The following ATG12 variants were observed in gnomAD, a reference collection of about 807,000 sequenced individuals.
The protein encoded by ATG12 is autophagy related 12, also known as ubiquitin-like protein ATG12.
Under a neutral mutation model 17.6 loss-of-function variants are expected in ATG12, and 19 were observed. The observed-to-expected ratio is 1.08, with a 90% confidence interval of 0.75 to 1.58. The LOEUF is 1.58. Among genes scored for constraint, ATG12 ranks in the 40% most tolerant of loss-of-function variants. The probability of loss-of-function intolerance (pLI) is 0.00; values close to 1 mark genes in which losing one functional copy is unlikely to be tolerated. For synonymous variants in ATG12, 75 were observed against 62.4 expected (o/e 1.20, Z -0.95); for missense variants, 214 against 162.0 (o/e 1.32, Z -1.74).
chr5:115,838,466 A>G (rs1394246842), intron 1 of ATG12: 1 of 152,236 alleles, frequency 6.6e-6, no homozygotes. Context: ...TCTCTCCAAC[A>G]GCATGTATAA....
chr5:115,838,593 A>G (rs919168211), intron 1 of ATG12: 1 of 152,236 alleles, frequency 6.6e-6, no homozygotes, highest in Non-Finnish European at 1.5e-5. Context: ...GGATTTACTT[A>G]TGCTGTTTGT....
chr5:115,835,259 C>G (rs1260531976), intron 2 of ATG12: 1 of 152,160 alleles, frequency 6.6e-6, no homozygotes, highest in Non-Finnish European at 1.5e-5. Context: ...TTCATCGTCT[C>G]TAGGGATGCT....
In ATG12 at chr5:115,828,417, T is replaced by C. The variant is rs1017809194; in HGVS notation, c.*3387A>G. The C allele has an allele frequency of 3.9e-5, 6 of 152,244 alleles. No individual in the cohort carries two copies. The highest frequency in any genetic ancestry group is 7.3e-5 in the Non-Finnish European group (5 of 68,028). 9.4% of individuals were successfully genotyped at this position (152,244 alleles called of 1,614,324 possible). On this transcript the variant is annotated 3_prime_UTR_variant, in exon 4 of 4. Coordinates refer to ENST00000509910, the MANE Select transcript of ATG12 (RefSeq NM_004707.4). ...CCACAACTCTGCTAATAGCAAGATG[T>C]ACATTATTTTTATTGTCAGTCAGCA...
At chr5:115,836,068 A>T (rs1024598425) in intron 2 of ATG12, among the ~76,000 whole-genome samples, 3 of 152,160 alleles carry the variant, frequency 2.0e-5, no homozygotes, top group African/African-American at 4.8e-5. Flanking sequence ...TTCAGGAGGT[A>T]TCAGTTTTAG....
At chr5:115,840,731 T>C (rs1761375844) in intron 1 of ATG12, 2 of 1,186,012 alleles carry the variant, frequency 1.7e-6, no homozygotes, top group Admixed American at 7.2e-5. Context: ...TTAGAACACG[T>C]AATTTTAGCA....
chr5:115,835,333 ATTGTTT>A (rs1402051081), intron 2 of ATG12, among the ~76,000 whole-genome samples: 1 of 151,980 alleles, frequency 6.6e-6, no homozygotes, highest in African/African-American at 2.4e-5. Context: ...TATTCCTGTT[ATTGTTT>A]TTATGTGAAA....
At position 115,830,346 on chromosome 5, in the gene ATG12, A is replaced by G. The variant is rs1760817953; in HGVS notation, c.*1458T>C. ...ACCCTCAGTGGCAAACAATACGAAAATTCAACATATTTTTATTTGTTAAAT... is the reference window on the plus strand; with the variant it reads ...ACCCTCAGTGGCAAACAATACGAAAGTTCAACATATTTTTATTTGTTAAAT... On this transcript the variant is annotated 3_prime_UTR_variant, in exon 4 of 4. Coordinates refer to ENST00000509910, the MANE Select transcript of ATG12 (RefSeq NM_004707.4). The G allele has an allele frequency of 6.6e-6, 1 of 152,120 alleles. No individual in the cohort carries two copies. The highest frequency in any genetic ancestry group is 2.4e-5 in the African/African-American group (1 of 41,422). The allele number at this position is 152,120 out of a possible 1,614,324, so 9.4% of individuals were successfully genotyped here.
chr5:115,839,670 A>C (rs1761249369), intron 1 of ATG12, among the ~76,000 whole-genome samples: 1 of 152,182 alleles, frequency 6.6e-6, no homozygotes, highest in South Asian at 2.1e-4. Context: ...CTAGGGAAAC[A>C]CTTACTCCCC....
In ATG12 at chr5:115,841,370, C is replaced by A; in HGVS notation, c.163+20G>T. On this transcript the variant is annotated intron_variant, in intron 1 of 3. Coordinates refer to ENST00000509910, the MANE Select transcript of ATG12 (RefSeq NM_004707.4). ...CAATCTGAACCTCCCGCCTCTCTGC[C>A]CGGAAATAAATTCAGTTACTTTTTT... 6.2e-7 allele frequency: 1 copy of A among 1,610,092 alleles called. No individual in the cohort carries two copies. The highest frequency in any genetic ancestry group is 8.5e-7 in the Non-Finnish European group (1 of 1,179,560).
At chr5:115,839,929 A>G (rs1761272623) in intron 1 of ATG12, among the ~76,000 whole-genome samples, 1 of 152,270 alleles carries the variant, frequency 6.6e-6, no homozygotes, top group African/African-American at 2.4e-5. Flanking sequence ...TTTGCAAAAA[A>G]ATACTGTCCA....
chr5:115,834,024 G>A (rs1023971702), intron 2 of ATG12: 1 of 152,154 alleles, frequency 6.6e-6, no homozygotes, highest in African/African-American at 2.4e-5. Context: ...ATACGGGTGA[G>A]AAAAGTACAT....
Position 115,831,671 on chromosome 5 carries a change from A to G in ATG12, c.*133T>C. ...TCATGCTATGGATGTTTTCTTATGC[A>G]TAAACATAGAGTAGACACATACTAA... On this transcript the variant is annotated 3_prime_UTR_variant, in exon 4 of 4. Coordinates refer to ENST00000509910, the MANE Select transcript of ATG12 (RefSeq NM_004707.4). 2.5e-6 allele frequency: 2 copies of G among 803,998 alleles called. No homozygotes were observed. Among genetic ancestry groups the G allele is most frequent in the Non-Finnish European group, 4.1e-6 (2 of 492,184 alleles). 49.8% of individuals were successfully genotyped at this position (803,998 alleles called of 1,614,324 possible). A position where few individuals can be genotyped will look rare whatever the true frequency, so the allele number is the denominator to read the frequency against.
Position 115,837,770 on chromosome 5 carries a change from AAAG to A in ATG12, c.164-9_164-7del, listed in dbSNP as rs745930237. The A allele has an allele frequency of 2.1e-5, 34 of 1,587,468 alleles. No homozygotes were observed. The highest frequency in any genetic ancestry group is 9.0e-5 in the East Asian group (4 of 44,612). ...AGCCTTTAGCAAAATGTCAACTGTA[AAAG>A]AAGAATAAAATTTACTGACAATTAC... On this transcript the variant is annotated splice_region_variant and splice_polypyrimidine_tract_variant and intron_variant, in intron 1 of 3. Coordinates refer to ENST00000509910, the MANE Select transcript of ATG12 (RefSeq NM_004707.4).
chr5:115,835,921 G>A (rs1580568806), intron 2 of ATG12, among the ~76,000 whole-genome samples: 1 of 152,002 alleles, frequency 6.6e-6, no homozygotes, highest in African/African-American at 2.4e-5. Context: ...CTAATCAGGG[G>A]TTTTTGGTTT....
At chr5:115,840,218 G>A (rs557261302) in intron 1 of ATG12, among the ~76,000 whole-genome samples, 11 of 152,240 alleles carry the variant, frequency 7.2e-5, no homozygotes, top group African/African-American at 2.6e-4. Flanking sequence ...CTGATTTAAA[G>A]TGGGAAGGGG....
intron 2 of ATG12, chr5:115,834,925 G>T (rs1316212119): frequency 6.6e-6 from 1 of 152,094 alleles, no homozygotes; most frequent in Non-Finnish European, 1.5e-5. Flanking sequence ...TACCTTAAAT[G>T]ACATTTTTAC....
At chr5:115,832,717 G>T in intron 2 of ATG12, 53 bp from the exon 3 acceptor site, 4 of 1,404,836 alleles carry the variant, frequency 2.8e-6, no homozygotes, top group South Asian at 1.6e-5. Context: ...TGATTAATCT[G>T]CATTTTTCTG....
In ATG12 at chr5:115,828,881, TGA is replaced by T. The variant is rs1760746750; in HGVS notation, c.*2921_*2922del. 6.6e-6 allele frequency: 1 copy of T among 152,192 alleles called. No homozygotes were observed. The highest frequency in any genetic ancestry group is 2.4e-5 in the African/African-American group (1 of 41,448). 9.4% of individuals were successfully genotyped at this position (152,192 alleles called of 1,614,324 possible). On this transcript the variant is annotated 3_prime_UTR_variant, in exon 4 of 4. Coordinates refer to ENST00000509910, the MANE Select transcript of ATG12 (RefSeq NM_004707.4). ...TGGTAGTTTGCTCTAAGTGTTTTTA[TGA>T]GAGAAAGGGTATCTTCTCCTTGAAT...
At position 115,837,818 on chromosome 5, in the gene ATG12, A is replaced by T; in HGVS notation, c.164-54T>A. 5 of 1,445,084 alleles carry T rather than the reference A, an allele frequency of 3.5e-6. No individual in the cohort carries two copies. The South Asian group carries it at 6.8e-5, about 20-fold the overall frequency. 89.5% of individuals were successfully genotyped at this position (1,445,084 alleles called of 1,614,324 possible). A position where few individuals can be genotyped will look rare whatever the true frequency, so the allele number is the denominator to read the frequency against. ...AATTACACTGAAACATCTAAAGAGA[A>T]TGGAATATAAAAGACTTAGAAATCA... On this transcript the variant is annotated intron_variant, in intron 1 of 3. Coordinates refer to ENST00000509910, the MANE Select transcript of ATG12 (RefSeq NM_004707.4).
Sources: gnomAD v4.1 joint callset for allele counts (sites outside exome capture counted in the v4.1 genomes callset) on GRCh38, gnomAD v4.1.1 for gene constraint, MANE v1.5 for transcripts, NCBI Gene and HGNC (gene_info 2026-07-23, HGNC 2026-07-21) for gene names.